The following PTPRK variants were observed in gnomAD, a reference collection of about 807,000 sequenced individuals.
PTPRK encodes protein tyrosine phosphatase receptor type K, also known as receptor-type tyrosine-protein phosphatase kappa.
In PTPRK, 75 loss-of-function variants were observed where a neutral mutation model predicts 178.0. That is an observed-to-expected ratio of 0.42 (90% CI 0.35 to 0.51). The LOEUF (loss-of-function observed/expected upper bound fraction) is 0.51. Among genes scored for constraint, PTPRK ranks in the 20% least tolerant of loss-of-function variants. The pLI is 0.02. For synonymous variants in PTPRK, 637 were observed against 620.6 expected (o/e 1.03, Z -0.39); for missense variants, 1,441 against 1,797.8 (o/e 0.80, Z 3.59).
chr6:128,252,728 C>A (rs1170128863), intron 3 of PTPRK, among the ~76,000 whole-genome samples: 5 of 152,142 alleles, frequency 3.3e-5, no homozygotes, highest in African/African-American at 7.2e-5. Context: ...AGCAGCAGAG[C>A]CCCAACTCTG....
At position 128,322,242 on chromosome 6, in the gene PTPRK, T is replaced by C. The variant is rs750247117; in HGVS notation, c.292A>G (p.Met98Val). 3.5e-5 allele frequency: 57 copies of C among 1,613,086 alleles called. No homozygotes were observed. Among genetic ancestry groups the C allele is most frequent in the South Asian group, 7.7e-5 (7 of 91,062 alleles). ...ATGCAGTGAGTGTCGTTCTCCTTCA[T>C]TGTAGGCAGCTGAAGTCTGGCTTTT... Reference protein sequence around the residue: ...GEKARLQLPTMKENDTHCIDF... With the variant: ...GEKARLQLPTVKENDTHCIDF... Residue 98 changes from methionine to valine, a missense_variant, in exon 3 of 30, where the codon ATG (methionine) becomes GTG (valine). Met to Val is a conservative substitution (Grantham distance 21). Coordinates refer to ENST00000368226, the MANE Select transcript of PTPRK (RefSeq NM_002844.4).
At chr6:128,126,562 C>T (rs1196685818) in intron 7 of PTPRK, among the ~76,000 whole-genome samples, 1 of 152,166 alleles carries the variant, frequency 6.6e-6, no homozygotes, top group Non-Finnish European at 1.5e-5. Context: ...TCATGGCTCA[C>T]TGCAGCCTCA....
intron 15 of PTPRK, chr6:128,003,219 T>C (rs758261525): frequency 6.9e-6 from 11 of 1,604,970 alleles, no homozygotes; most frequent in African/African-American, 1.3e-5. Context: ...TCGGTACAAG[T>C]GGATCATTGG....
Position 128,520,289 on chromosome 6 carries a change from G to C in PTPRK, c.70C>G (p.Leu24Val). The change falls in exon 1 of 30, where the codon CTG (leucine) becomes GTG (valine). Residue 24 changes from leucine to valine, a missense_variant. Physicochemically the swap from Leu to Val is conservative, Grantham distance 32 (BLOSUM62 1). Around this residue, in one of 4 missense-constraint regions of PTPRK, gnomAD observed 158 missense variants for 188.0 expected, o/e 0.84. Transcript: ENST00000368226. The part of the protein sequence containing the change: ...ALLLLSPWPL[L>V]GSAQGQFSAG... The stretch of plus-strand genomic sequence containing the variant: ...GAGAACTGGCCTTGGGCCGATCCCA[G>C]GAGAGGCCAAGGAGAGAGGAGCAAG... 1 of 1,607,994 alleles carries C rather than the reference G, an allele frequency of 6.2e-7. No homozygotes were observed. The highest frequency in any genetic ancestry group is 1.1e-5 in the South Asian group (1 of 89,990).
chr6:128,041,321 CAGAT>C (rs1338343069), intron 13 of PTPRK, among the ~76,000 whole-genome samples: 4 of 152,018 alleles, frequency 2.6e-5, no homozygotes, highest in African/African-American at 4.8e-5. Flanking sequence ...TTTATTAAAT[CAGAT>C]AGATAATCTT....
At chr6:128,150,208 C>T (rs1013709232) in intron 7 of PTPRK, among the ~76,000 whole-genome samples, 13 of 152,076 alleles carry the variant, frequency 8.5e-5, no homozygotes, top group Admixed American at 8.5e-4. Flanking sequence ...GGTGGGGTCA[C>T]AGATCTATAA....
At chr6:128,251,666 T>C (rs1197961272) in intron 3 of PTPRK, among the ~76,000 whole-genome samples, 1 of 152,196 alleles carries the variant, frequency 6.6e-6, no homozygotes, top group Non-Finnish European at 1.5e-5. Context: ...ATTCTTTCAC[T>C]TTCATATATC....
At chr6:128,433,235 C>A (rs909063492) in intron 1 of PTPRK, among the ~76,000 whole-genome samples, 1 of 152,080 alleles carries the variant, frequency 6.6e-6, no homozygotes, top group Admixed American at 6.6e-5. Flanking sequence ...ATGTTTGTAT[C>A]CATCAACCAA....
intron 7 of PTPRK, among the ~76,000 whole-genome samples, chr6:128,092,812 C>T (rs1356918038): frequency 1.3e-5 from 2 of 152,042 alleles, no homozygotes; most frequent in African/African-American, 2.4e-5. Flanking sequence ...TTTCTCATAC[C>T]TAACCAACAA....
intron 1 of PTPRK, among the ~76,000 whole-genome samples, chr6:128,507,366 G>C (rs1046329513): frequency 2.0e-5 from 3 of 152,058 alleles, no homozygotes; most frequent in Admixed American, 1.3e-4. Flanking sequence ...ATTCACACTA[G>C]AGGCCCACTC....
intron 1 of PTPRK, among the ~76,000 whole-genome samples, chr6:128,509,174 T>C (rs1464131942): frequency 1.3e-5 from 2 of 152,118 alleles, no homozygotes; most frequent in African/African-American, 2.4e-5. Context: ...CAACATGGTA[T>C]AGTATATTTA....
At chr6:128,218,600 C>T (rs568397046) in intron 6 of PTPRK, among the ~76,000 whole-genome samples, 10 of 152,102 alleles carry the variant, frequency 6.6e-5, no homozygotes, top group Admixed American at 1.3e-4. Flanking sequence ...CTGTTTTAAA[C>T]GGGAAGAACT....
chr6:128,349,340 C>T (rs1832813266), intron 2 of PTPRK, among the ~76,000 whole-genome samples: 1 of 151,912 alleles, frequency 6.6e-6, no homozygotes, highest in South Asian at 2.1e-4. Flanking sequence ...CTAAATCTCC[C>T]TGGATAGTGG....
At chr6:128,290,616 T>G (rs1319958194) in intron 3 of PTPRK, among the ~76,000 whole-genome samples, 1 of 151,790 alleles carries the variant, frequency 6.6e-6, no homozygotes, top group African/African-American at 2.4e-5. Flanking sequence ...AGGGGCCAGT[T>G]CTCTAGGATA....
chr6:128,373,801 T>C (rs1328119469), intron 2 of PTPRK, among the ~76,000 whole-genome samples: 1 of 152,204 alleles, frequency 6.6e-6, no homozygotes, highest in Non-Finnish European at 1.5e-5. Context: ...CACAAATCTT[T>C]GCCTGCCCAT....
Position 128,020,662 on chromosome 6 carries a change from G to T in PTPRK, c.2195-11394C>A, listed in dbSNP as rs141616698. ...AAATCACATTTGAATATTAGAGAAAGAAATAGAAAACAAATAAAACCTTTA... is the reference window on the plus strand; with the variant it reads ...AAATCACATTTGAATATTAGAGAAATAAATAGAAAACAAATAAAACCTTTA... On this transcript the variant is annotated intron_variant, in intron 13 of 29. Transcript: ENST00000368226. Among the ~76,000 whole-genome samples, 368 of 152,256 alleles carry T rather than the reference G, an allele frequency of 2.4e-3. 4 individuals carry two copies. Among genetic ancestry groups the T allele is most frequent in the Middle Eastern group, 6.8e-3 (2 of 294 alleles).
chr6:128,463,838 G>A (rs1399818620), intron 1 of PTPRK, among the ~76,000 whole-genome samples: 5 of 129,960 alleles, frequency 3.8e-5, no homozygotes, highest in African/African-American at 8.9e-5. Flanking sequence ...TGCAACGCCC[G>A]CCTCCAGGGT....
At position 128,078,797 on chromosome 6, in the gene PTPRK, A is replaced by T; in HGVS notation, c.1883+16T>A. The T allele has an allele frequency of 1.3e-6, 2 of 1,559,838 alleles. No homozygotes were observed. The highest frequency in any genetic ancestry group is 1.8e-6 in the Non-Finnish European group (2 of 1,131,880). On this transcript the variant is annotated intron_variant, in intron 11 of 29. Transcript: ENST00000368226. ...CCTGTGGATAAGGCAGAACTACTGT[A>T]GTTTTCTCCTCTTACCTGATAGGAG...
chr6:128,279,552 T>A (rs1295398949), intron 3 of PTPRK, among the ~76,000 whole-genome samples: 1 of 152,170 alleles, frequency 6.6e-6, no homozygotes, highest in African/African-American at 2.4e-5. Flanking sequence ...CAAGTAGACA[T>A]ATACTCCAGA....
Sources: allele counts gnomAD v4.1 joint callset (sites outside exome capture counted in the v4.1 genomes callset), GRCh38; gene constraint gnomAD v4.1.1; regional missense constraint gnomAD v4.1.1; transcripts MANE v1.5; gene names NCBI Gene and HGNC (gene_info 2026-07-23, HGNC 2026-07-21).